Variants in RMDN2 observed in about 807,000 individuals in gnomAD.
The protein encoded by RMDN2 is regulator of microtubule dynamics 2, also known as regulator of microtubule dynamics protein 2.
A neutral mutation model predicts 52.8 loss-of-function variants in RMDN2; 61 were observed. That is an observed-to-expected ratio of 1.16 (90% CI 0.94 to 1.43). The LOEUF (loss-of-function observed/expected upper bound fraction) is 1.43, where lower values mean the gene tolerates loss of function less well. Ranked by LOEUF, RMDN2 falls within the 40% of genes most tolerant of loss-of-function variation. The probability of loss-of-function intolerance (pLI) is 0.00; values close to 1 mark genes in which losing one functional copy is unlikely to be tolerated. For missense variants in RMDN2, 592 were observed against 475.3 expected (o/e 1.25, Z -2.28); for synonymous variants, 180 against 153.1 (o/e 1.18, Z -1.30).
chr2:37,924,734 T>A (rs542514683), upstream of RMDN2, among the ~76,000 whole-genome samples: 23 of 152,318 alleles, frequency 1.5e-4, no homozygotes, highest in South Asian at 4.6e-3. Context: ...GGGTAAAACC[T>A]TAAATGTCAG....
chr2:37,925,784 T>TG (rs1199665798), intron 1 of RMDN2, among the ~76,000 whole-genome samples: 24 of 38,542 alleles, frequency 6.2e-4, no homozygotes, highest in Admixed American at 9.6e-4. Flanking sequence ...CAGAGACACT[T>TG]GCTGGGCTCT....
intron 10 of RMDN2, among the ~76,000 whole-genome samples, chr2:38,008,391 T>C (rs1165056579): frequency 2.0e-5 from 3 of 152,218 alleles, no homozygotes; most frequent in Admixed American, 2.0e-4. Flanking sequence ...TGGGTGCTCC[T>C]GTATTGGGTG....
At chr2:37,989,489 G>T in intron 5 of RMDN2, 52 bp from the exon 6 acceptor site, 1 of 1,186,192 alleles carries the variant, frequency 8.4e-7, no homozygotes, top group Non-Finnish European at 1.2e-6. Context: ...GTGGCATTTT[G>T]TTAAAAATTT....
intron 2 of RMDN2, among the ~76,000 whole-genome samples, chr2:37,970,814 A>G (rs968816139): frequency 2.0e-5 from 3 of 151,860 alleles, no homozygotes; most frequent in East Asian, 1.9e-4. Flanking sequence ...AAAGCTGTAT[A>G]TTATTTGTTA....
downstream of RMDN2, among the ~76,000 whole-genome samples, chr2:38,021,489 G>T (rs2125258125): frequency 6.6e-6 from 1 of 152,240 alleles, no homozygotes; most frequent in South Asian, 2.1e-4. Context: ...TCACCGCGAA[G>T]GTCTGCAGCT....
intron 10 of RMDN2, among the ~76,000 whole-genome samples, chr2:38,033,689 T>C (rs889394893): frequency 2.0e-5 from 3 of 152,250 alleles, no homozygotes; most frequent in Non-Finnish European, 4.4e-5. Context: ...TAAAGTTGAA[T>C]TGAATTTGCA....
At position 37,981,313 on chromosome 2, in the gene RMDN2, G is replaced by C. The variant is rs781065769; in HGVS notation, c.761G>C (p.Arg254Thr). The change falls in exon 5 of 11, where the codon AGA (arginine) becomes ACA (threonine). Residue 254 changes from arginine (R) to threonine (T), a missense_variant. Transcript: ENST00000354545. ...GKTLSERAIN[R>T]APMNGHCHLW... ...ACTTTAAGTGAAAGAGCTATTAATA[G>C]AGCACCCATGAATGGACATTGTCAT... The C allele has an allele frequency of 5.6e-6, 9 of 1,607,464 alleles. No homozygotes were observed. In the East Asian group the frequency reaches 2.0e-4, roughly 36 times the overall value.
chr2:37,980,565 A>G (rs1445388878), intron 4 of RMDN2, among the ~76,000 whole-genome samples: 1 of 152,156 alleles, frequency 6.6e-6, no homozygotes, highest in Non-Finnish European at 1.5e-5. Context: ...CGGCCTCCCA[A>G]AGTGCTAGGA....
At chr2:38,046,469 AT>A (rs1681276648) in intron 10 of RMDN2, among the ~76,000 whole-genome samples, 2 of 152,172 alleles carry the variant, frequency 1.3e-5, no homozygotes, top group African/African-American at 4.8e-5. Flanking sequence ...ATGACTAGAA[AT>A]GTCCAAAATT....
At chr2:38,014,792 G>C (rs1201666454) in intron 10 of RMDN2, among the ~76,000 whole-genome samples, 1 of 152,166 alleles carries the variant, frequency 6.6e-6, no homozygotes, top group African/African-American at 2.4e-5. Context: ...CTAGAGGCTT[G>C]TGATACAAAG....
In RMDN2 at chr2:38,017,349, A is replaced by G. The variant is rs1042226299; in HGVS notation, c.*110A>G. 1 of 1,405,756 alleles carries G rather than the reference A, an allele frequency of 7.1e-7. No homozygotes were observed. The highest frequency in any genetic ancestry group is 1.5e-5 in the African/African-American group (1 of 68,794). The allele number at this position is 1,405,756 out of a possible 1,614,324, so 87.1% of individuals were successfully genotyped here. On this transcript the variant is annotated 3_prime_UTR_variant, in exon 11 of 11. Transcript: ENST00000354545. ...TTTGATGTAAGGGTATTGTGCTTAG[A>G]TTTGAAGGTAAAGCCATGTTTCTGC...
chr2:37,999,067 A>T (rs1440433639), intron 8 of RMDN2, among the ~76,000 whole-genome samples: 1 of 152,230 alleles, frequency 6.6e-6, no homozygotes, highest in South Asian at 2.1e-4. Context: ...TCATAATATC[A>T]AAGTTATAAT....
At chr2:37,974,003 C>T (rs376409371) in intron 2 of RMDN2, 37 bp from the exon 3 acceptor site, 65 of 1,525,488 alleles carry the variant, frequency 4.3e-5, no homozygotes, top group Non-Finnish European at 5.3e-5. Flanking sequence ...TTATACTTAA[C>T]TTTCAAAGGA....
rs141520445 is a variant in RMDN2, at chr2:37,974,114, A to T, written c.527A>T (p.Glu176Val). ...VPKAFNTRVE[E>V]LNLDVLLQKV... ...AAGGCATTTAACACACGTGTAGAGGAATTAAATTTAGATGTCCTTCTTCAG... is the reference window on the plus strand; with the variant it reads ...AAGGCATTTAACACACGTGTAGAGGTATTAAATTTAGATGTCCTTCTTCAG... Residue 176 changes from glutamate to valine, a missense_variant, in exon 3 of 11, where the codon GAA becomes GTA. By Grantham distance (121) the Glu-to-Val change is moderately radical. Coordinates refer to ENST00000354545, the MANE Select transcript of RMDN2 (RefSeq NM_001170791.3). 38 of 1,612,616 alleles carry T rather than the reference A, an allele frequency of 2.4e-5. No homozygotes were observed. The African/African-American group carries it at 4.1e-4, about 18-fold the overall frequency.
chr2:37,924,505 C>A (rs1209001640), upstream of RMDN2, among the ~76,000 whole-genome samples: 1 of 152,226 alleles, frequency 6.6e-6, no homozygotes, highest in Non-Finnish European at 1.5e-5. Context: ...GCTGGGATTA[C>A]AGGCGTCCAC....
intron 5 of RMDN2, among the ~76,000 whole-genome samples, chr2:37,984,388 T>G (rs2125110577): frequency 6.6e-6 from 1 of 152,354 alleles, no homozygotes; most frequent in African/African-American, 2.4e-5. Flanking sequence ...GCAAATTATA[T>G]CCACATGTCT....
At chr2:37,997,634 G>A (rs1405943154) in intron 8 of RMDN2, 120 bp downstream of exon 8, 6 of 704,106 alleles carry the variant, frequency 8.5e-6, no homozygotes, top group Non-Finnish European at 1.5e-5. Flanking sequence ...CCTGGTTTTG[G>A]CATGTTCTGT....
downstream of RMDN2, among the ~76,000 whole-genome samples, chr2:38,020,934 C>T (rs1467645486): frequency 1.3e-5 from 2 of 152,198 alleles, no homozygotes; most frequent in South Asian, 2.1e-4. Flanking sequence ...CACCTGTGGC[C>T]GGGTCTGGGA....
At chr2:38,033,989 G>C (rs1680402566) in intron 10 of RMDN2, among the ~76,000 whole-genome samples, 1 of 152,230 alleles carries the variant, frequency 6.6e-6, no homozygotes, top group African/African-American at 2.4e-5. Context: ...CCTATTAAAA[G>C]AATCTGTTGA....
Sources: gnomAD v4.1 joint callset for allele counts (sites outside exome capture counted in the v4.1 genomes callset) on GRCh38, gnomAD v4.1.1 for gene constraint, MANE v1.5 for transcripts, NCBI Gene and HGNC (gene_info 2026-07-23, HGNC 2026-07-21) for gene names.